The following TG variants were observed in gnomAD, a reference collection of about 807,000 sequenced individuals.
TG encodes the protein thyroglobulin.
In TG, 270 loss-of-function variants were observed where a neutral mutation model predicts 324.7. That is an observed-to-expected ratio of 0.83 (90% CI 0.75 to 0.92). The LOEUF (loss-of-function observed/expected upper bound fraction) is 0.92, where lower values mean the gene tolerates loss of function less well. Among genes scored for constraint, TG ranks in the 40% least tolerant of loss-of-function variants. The pLI, the probability that TG is intolerant of heterozygous loss-of-function variation, is 0.00. For synonymous variants in TG, 1,401 were observed against 1,327.0 expected (o/e 1.06, Z -1.21); for missense variants, 3,591 against 3,456.4 (o/e 1.04, Z -0.98).
In TG at chr8:132,887,087, T is replaced by C. The variant is rs1458258064; in HGVS notation, c.1715T>C (p.Leu572Pro). The C allele has an allele frequency of 1.2e-6, 2 of 1,614,248 alleles. No homozygotes were observed. The highest frequency in any genetic ancestry group is 1.7e-6 in the Non-Finnish European group (2 of 1,180,050). ...GCCCTCAAATTCCTTGCTTCTCTCCTGGAGCTTCCAGAATTCCTTCTCTTC... is the reference window on the plus strand; with the variant it reads ...GCCCTCAAATTCCTTGCTTCTCTCCCGGAGCTTCCAGAATTCCTTCTCTTC... ...QNALKFLASL[L>P]ELPEFLLFLQ... The change falls in exon 9 of 48, where the codon CTG becomes CCG. Residue 572 changes from leucine to proline, a missense_variant. Leu to Pro is a moderately conservative substitution (Grantham distance 98, BLOSUM62 -3). Coordinates refer to ENST00000220616, the MANE Select transcript of TG (RefSeq NM_003235.5).
chr8:133,019,547 TG>T, intron 38 of TG, 54 bp from the exon 39 acceptor site: 1 of 1,467,634 alleles, frequency 6.8e-7, no homozygotes, highest in South Asian at 1.1e-5. Context: ...TGGTGGTGGG[TG>T]GGGAGGGGTG....
In TG at chr8:132,935,870, T is replaced by C. The variant is rs1467563849; in HGVS notation, c.5041+6T>C. 1 of 1,611,258 alleles carries C rather than the reference T, an allele frequency of 6.2e-7. No individual in the cohort carries two copies. The highest frequency in any genetic ancestry group is 1.3e-5 in the African/African-American group (1 of 74,816). On this transcript the variant is annotated splice_donor_region_variant and intron_variant, in intron 25 of 47. Transcript: ENST00000220616. ...AGCTGTGTATTTGAAAAAGGGTAGG[T>C]TGGTCAGGCTGGTTGGCTTAGGCCC... is the stretch of plus-strand genomic sequence containing the variant.
intron 20 of TG, among the ~76,000 whole-genome samples, chr8:132,914,234 G>A (rs1050339915): frequency 6.6e-6 from 1 of 152,136 alleles, no homozygotes; most frequent in Non-Finnish European, 1.5e-5. Flanking sequence ...GGATATCTTT[G>A]GGGGGACCTT....
intron 35 of TG, among the ~76,000 whole-genome samples, chr8:132,985,834 G>C (rs1233388096): frequency 2.0e-5 from 3 of 152,086 alleles, no homozygotes; most frequent in Non-Finnish European, 2.9e-5. Context: ...TCACTTAACA[G>C]TGTTTGAAGT....
chr8:132,881,836 G>C, intron 5 of TG, 27 bp from the exon 6 acceptor site: 1 of 1,510,026 alleles, frequency 6.6e-7, no homozygotes, highest in Non-Finnish European at 9.2e-7. Flanking sequence ...TTTATGAATG[G>C]TGACCGTAAA....
intron 25 of TG, among the ~76,000 whole-genome samples, chr8:132,936,650 C>T (rs759688911): frequency 5.3e-5 from 8 of 152,188 alleles, no homozygotes; most frequent in East Asian, 3.8e-4. Flanking sequence ...TCCTCTGGGC[C>T]GCTGCTGGCA....
At chr8:133,075,447 G>C (rs897632250) in intron 41 of TG, among the ~76,000 whole-genome samples, 7 of 152,122 alleles carry the variant, frequency 4.6e-5, no homozygotes, top group Non-Finnish European at 1.0e-4. Context: ...CAATGTGTGC[G>C]TCAAGGGAAA....
intron 35 of TG, among the ~76,000 whole-genome samples, chr8:132,989,950 T>G (rs1160825031): frequency 6.6e-6 from 1 of 151,924 alleles, no homozygotes; most frequent in Non-Finnish European, 1.5e-5. Flanking sequence ...GTGAGAATAA[T>G]GGTGAAATAT....
Position 133,068,636 on chromosome 8 carries a change from G to A in TG, c.7240-26408G>A, listed in dbSNP as rs998346562. On this transcript the variant is annotated intron_variant, in intron 41 of 47. Transcript: ENST00000220616. Reference sequence around the variant, plus strand: ...GGGCTGTGCACACCCTGCAGTCTCCGTGGCTCACCACCACACTGACGCAAG... The same window carrying A: ...GGGCTGTGCACACCCTGCAGTCTCCATGGCTCACCACCACACTGACGCAAG... 4.6e-5 allele frequency among the ~76,000 whole-genome samples: 7 copies of A among 152,314 alleles called. No homozygotes were observed. In the South Asian group the frequency reaches 6.2e-4, roughly 14 times the overall value.
chr8:132,952,059 C>A (rs933597263), intron 27 of TG, among the ~76,000 whole-genome samples: 1 of 152,088 alleles, frequency 6.6e-6, no homozygotes, highest in African/African-American at 2.4e-5. Flanking sequence ...AGTTTAACAA[C>A]GGGATAGATG....
intron 35 of TG, among the ~76,000 whole-genome samples, chr8:132,986,287 T>TA (rs1242868015): frequency 6.6e-6 from 1 of 151,856 alleles, no homozygotes; most frequent in Non-Finnish European, 1.5e-5. Context: ...TGGTTGTTTT[T>TA]ACCTAATATT....
At chr8:133,023,871 A>T (rs1364850474) in intron 40 of TG, among the ~76,000 whole-genome samples, 8 of 152,186 alleles carry the variant, frequency 5.3e-5, no homozygotes. Flanking sequence ...GGCTGCCGGC[A>T]GGGGCAGCCT....
In TG at chr8:132,901,430, G is replaced by C; in HGVS notation, c.3511G>C (p.Ala1171Pro). The change falls in exon 16 of 48, where the codon GCA becomes CCA. Residue 1171 changes from alanine (A) to proline (P), a missense_variant. Transcript: ENST00000220616. The stretch of plus-strand genomic sequence containing the variant: ...CCCAGGCTATGTCCCAGCCTGCAGG[G>C]CAGAGGATGGGGGCTTTTCCCCAGT... ...VSPGYVPACR[A>P]EDGGFSPVQC... 1 of 1,614,250 alleles carries C rather than the reference G, an allele frequency of 6.2e-7. No homozygotes were observed. Among genetic ancestry groups the C allele is most frequent in the South Asian group, 1.1e-5 (1 of 91,092 alleles).
chr8:133,014,564 A>G (rs1188848334), intron 37 of TG, among the ~76,000 whole-genome samples: 1 of 152,258 alleles, frequency 6.6e-6, no homozygotes, highest in Non-Finnish European at 1.5e-5. Flanking sequence ...GTTAACACTA[A>G]TCAGCTGCTA....
chr8:133,078,425 G>C (rs57893191), intron 41 of TG, among the ~76,000 whole-genome samples: 1 of 152,136 alleles, frequency 6.6e-6, no homozygotes, highest in Non-Finnish European at 1.5e-5. Context: ...TGTCTTCCCT[G>C]CTCCTCCACC....
intron 41 of TG, among the ~76,000 whole-genome samples, chr8:133,072,178 G>A (rs1287524743): frequency 2.6e-5 from 4 of 152,200 alleles, no homozygotes; most frequent in Non-Finnish European, 5.9e-5. Context: ...TCTGCCTGGT[G>A]CTAAGGAGCG....
At chr8:132,995,134 C>A (rs2130792332) in intron 35 of TG, 1 of 973,032 alleles carries the variant, frequency 1.0e-6, no homozygotes, top group Admixed American at 7.1e-5. Flanking sequence ...AGATCTCAGT[C>A]TCTGTTCTAA....
At chr8:132,958,590 C>A (rs1022116482) in intron 27 of TG, among the ~76,000 whole-genome samples, 1 of 151,982 alleles carries the variant, frequency 6.6e-6, no homozygotes, top group Admixed American at 6.6e-5. Context: ...TGGTGGTGGG[C>A]GCCTGTAATC....
At chr8:133,121,506 T>A (rs994419472) in intron 45 of TG, among the ~76,000 whole-genome samples, 3 of 152,224 alleles carry the variant, frequency 2.0e-5, no homozygotes, top group Non-Finnish European at 2.9e-5. Context: ...GACACGCAGA[T>A]CCACGGAAAC....
Sources: gnomAD v4.1 joint callset for allele counts (sites outside exome capture counted in the v4.1 genomes callset) on GRCh38, gnomAD v4.1.1 for gene constraint, MANE v1.5 for transcripts, NCBI Gene and HGNC (gene_info 2026-07-23, HGNC 2026-07-21) for gene names.